The following MVB12B variants were observed in gnomAD, a reference collection of about 807,000 sequenced individuals.
MVB12B encodes multivesicular body subunit 12B.
A neutral mutation model predicts 41.6 loss-of-function variants in MVB12B; 16 were observed. The observed-to-expected ratio is 0.38, with a 90% CI of 0.26 to 0.58. MVB12B has a LOEUF of 0.58. MVB12B is among the 20% of genes least tolerant of loss of function. MVB12B has a pLI of 0.62. For synonymous variants in MVB12B, 133 were observed against 139.7 expected, an observed-to-expected ratio of 0.95 and a Z score of 0.34; for missense variants, 274 against 380.2, an observed-to-expected ratio of 0.72 and a Z score of 2.32.
At chr9:126,492,132 A>T (rs1417334038) in intron 9 of MVB12B, among the ~76,000 whole-genome samples, 1 of 147,702 alleles carries the variant, frequency 6.8e-6, no homozygotes, top group Non-Finnish European at 1.5e-5. Flanking sequence ...ACACACACAC[A>T]CACACGCTCA....
intron 6 of MVB12B, among the ~76,000 whole-genome samples, chr9:126,415,901 G>C (rs1831806178): frequency 6.6e-6 from 1 of 152,194 alleles, no homozygotes; most frequent in African/African-American, 2.4e-5. Context: ...AGGGTGGCCT[G>C]ACTGGGGAGG....
At chr9:126,441,657 G>A (rs548609170) in intron 7 of MVB12B, among the ~76,000 whole-genome samples, 1 of 152,288 alleles carries the variant, frequency 6.6e-6, no homozygotes, top group East Asian at 1.9e-4. Context: ...TAGTTAATTA[G>A]CATCTGGAAA....
intron 5 of MVB12B, among the ~76,000 whole-genome samples, chr9:126,394,907 A>C (rs1453716778): frequency 6.6e-6 from 1 of 152,178 alleles, no homozygotes; most frequent in Non-Finnish European, 1.5e-5. Flanking sequence ...TATTCCTAGG[A>C]GCGTGGCTGT....
chr9:126,496,513 G>A lies in MVB12B; in HGVS notation c.874-6664G>A, dbSNP rs183053536. On this transcript the variant is annotated intron_variant, in intron 9 of 9. Transcript: ENST00000361171. The stretch of plus-strand genomic sequence containing the variant: ...CATTCTAGGCTGTGATCTCTACTGG[G>A]CTCTGGAGCTACAGCTGAGGCTCCA... 3.0e-4 allele frequency among the ~76,000 whole-genome samples: 44 copies of A among 149,150 alleles called. 1 individual carries two copies. Among genetic ancestry groups the A allele is most frequent in the Admixed American group, 7.3e-4 (11 of 14,972 alleles).
chr9:126,445,201 G>A (rs1832736555), intron 7 of MVB12B, among the ~76,000 whole-genome samples: 1 of 152,044 alleles, frequency 6.6e-6, no homozygotes, highest in South Asian at 2.1e-4. Context: ...CTATTCAAAT[G>A]TCTTTGTATA....
intron 7 of MVB12B, among the ~76,000 whole-genome samples, chr9:126,460,128 G>A (rs539134876): frequency 6.6e-6 from 1 of 152,208 alleles, no homozygotes; most frequent in African/African-American, 2.4e-5. Flanking sequence ...CTGGCCGCTG[G>A]GCCTGCAACA....
At chr9:126,406,444 A>G (rs150545057) in intron 6 of MVB12B, among the ~76,000 whole-genome samples, 1 of 152,254 alleles carries the variant, frequency 6.6e-6, no homozygotes, top group African/African-American at 2.4e-5. Context: ...TCCAGACTGC[A>G]GCTTGCCCTG....
chr9:126,424,077 C>T (rs978978773), intron 7 of MVB12B, among the ~76,000 whole-genome samples: 5 of 152,176 alleles, frequency 3.3e-5, no homozygotes, highest in Non-Finnish European at 5.9e-5. Context: ...AGACTCCTGG[C>T]GGGCTCTGTG....
chr9:126,444,293 A>G (rs575800224), intron 7 of MVB12B, among the ~76,000 whole-genome samples: 35 of 152,282 alleles, frequency 2.3e-4, no homozygotes, highest in African/African-American at 7.7e-4. Flanking sequence ...TGTCCCCCGT[A>G]ATGGTTGAAT....
intron 2 of MVB12B, among the ~76,000 whole-genome samples, chr9:126,345,180 C>T (rs1829554503): frequency 6.6e-6 from 1 of 152,216 alleles, no homozygotes; most frequent in Non-Finnish European, 1.5e-5. Context: ...TCTTCCTAGC[C>T]AGCCCTGTGT....
intron 9 of MVB12B, among the ~76,000 whole-genome samples, chr9:126,490,226 G>A (rs961768310): frequency 6.6e-6 from 1 of 152,142 alleles, no homozygotes; most frequent in Non-Finnish European, 1.5e-5. Context: ...TGCAGTCCAG[G>A]CGGGAGCTTC....
chr9:126,404,700 TCGC>T (rs1831368090), intron 6 of MVB12B, among the ~76,000 whole-genome samples: 1 of 152,220 alleles, frequency 6.6e-6, no homozygotes, highest in Non-Finnish European at 1.5e-5. Flanking sequence ...TGCACTGTGG[TCGC>T]CGACTGAGGG....
In MVB12B at chr9:126,408,539, C is replaced by G. The variant is rs530909046; in HGVS notation, c.662+12842C>G. The stretch of plus-strand genomic sequence containing the variant: ...CTGAAAGTGGCCACTGCAAATGGAG[C>G]CTTTTCCACAAGAGGGTAAGTGAAC... On this transcript the variant is annotated intron_variant, in intron 6 of 9. Coordinates refer to ENST00000361171, the MANE Select transcript of MVB12B (RefSeq NM_033446.3). 10 of 152,160 alleles carry G rather than the reference C, an allele frequency of 6.6e-5. No homozygotes were observed. In the East Asian group the frequency reaches 1.4e-3, roughly 21 times the overall value. The allele number at this position is 152,160 out of a possible 1,614,324, so 9.4% of individuals were successfully genotyped here.
chr9:126,354,373 T>C (rs1829827703), intron 2 of MVB12B, among the ~76,000 whole-genome samples: 1 of 152,356 alleles, frequency 6.6e-6, no homozygotes, highest in East Asian at 1.9e-4. Context: ...TTTTCTTTCT[T>C]TCTTTATGAT....
intron 9 of MVB12B, among the ~76,000 whole-genome samples, chr9:126,488,344 CA>C (rs60489071): frequency 0.095 from 12,516 of 131,722 alleles, 549 homozygotes; most frequent in Admixed American, 0.15. Context: ...ACCATTAAAC[CA>C]AAAAAAAAAA....
At chr9:126,363,732 T>C (rs1405160433) in intron 2 of MVB12B, among the ~76,000 whole-genome samples, 3 of 152,188 alleles carry the variant, frequency 2.0e-5, no homozygotes, top group Non-Finnish European at 2.9e-5. Context: ...TTAGATTTGC[T>C]CCTTCCCTAA....
rs1383204376 is a variant in MVB12B, at chr9:126,389,917, G to A, written c.410-2149G>A. On this transcript the variant is annotated intron_variant, in intron 4 of 9. Transcript: ENST00000361171. The surrounding 1 kb of genome is among the most constrained non-coding windows in gnomAD (Gnocchi z 4.4). ...GCTCGTAGATCTGCTCTAGCCCTCA[G>A]TTTCTGTGCCTGAGGAACCCACAGT... 1.3e-5 allele frequency among the ~76,000 whole-genome samples: 2 copies of A among 152,160 alleles called. No individual in the cohort carries two copies. Among genetic ancestry groups the A allele is most frequent in the South Asian group, 2.1e-4 (1 of 4,812 alleles).
chr9:126,491,639 A>T (rs1833734416), intron 9 of MVB12B, among the ~76,000 whole-genome samples: 1 of 152,246 alleles, frequency 6.6e-6, no homozygotes, highest in African/African-American at 2.4e-5. Flanking sequence ...TTCAGATATT[A>T]AAAGTTAGAT....
chr9:126,345,764 A>G (rs1829569427), intron 2 of MVB12B, among the ~76,000 whole-genome samples: 1 of 152,220 alleles, frequency 6.6e-6, no homozygotes, highest in South Asian at 2.1e-4. Context: ...ACTTTGTACC[A>G]TTGTACCTTT....
Sources: gnomAD v4.1 joint callset for allele counts (sites outside exome capture counted in the v4.1 genomes callset) on GRCh38, gnomAD v4.1.1 for gene constraint, Gnocchi (gnomAD v3.1) non-coding constraint, MANE v1.5 for transcripts, NCBI Gene and HGNC (gene_info 2026-07-23, HGNC 2026-07-21) for gene names.